NCOR1: variants seen among roughly 807,000 people sequenced by gnomAD.
NCOR1 encodes the protein nuclear receptor corepressor 1, also known as protein phosphatase 1, regulatory subunit 109.
Under a neutral mutation model 288.1 loss-of-function variants are expected in NCOR1, and 63 were observed. That is an observed-to-expected ratio of 0.22 (90% CI 0.18 to 0.27). The LOEUF (loss-of-function observed/expected upper bound fraction) is 0.27. NCOR1 is among the 10% of genes least tolerant of loss of function. NCOR1 has a pLI of 1.00. For missense variants in NCOR1, 2,397 were observed against 3,019.2 expected, an observed-to-expected ratio of 0.79 and a Z score of 4.83; for synonymous variants, 1,007 against 1,065.9, an observed-to-expected ratio of 0.94 and a Z score of 1.08.
Position 16,186,550 on chromosome 17 carries a change from T to C in NCOR1, c.242+4A>G. On this transcript the variant is annotated splice_donor_region_variant and intron_variant, in intron 3 of 45. Coordinates refer to ENST00000268712, the MANE Select transcript of NCOR1 (RefSeq NM_006311.4). Reference sequence around the variant, plus strand: ...AGATAGAAACATAAAAGAAACCTCATTACCTGTCAGAACCTGGGTGAAATT... The same window carrying C: ...AGATAGAAACATAAAAGAAACCTCACTACCTGTCAGAACCTGGGTGAAATT... 1 of 1,613,298 alleles carries C rather than the reference T, an allele frequency of 6.2e-7. No individual in the cohort carries two copies. The highest frequency in any genetic ancestry group is 1.1e-5 in the South Asian group (1 of 90,826).
intron 15 of NCOR1, among the ~76,000 whole-genome samples, chr17:16,125,784 AAACAGAAGGTC>A (rs1022013710): frequency 1.8e-4 from 27 of 152,046 alleles, no homozygotes; most frequent in Non-Finnish European, 3.2e-4. Flanking sequence ...AATAACTCAG[AAACAGAAGGTC>A]AACTATCACA....
At position 16,095,543 on chromosome 17, in the gene NCOR1, G is replaced by T. The variant is rs1348295057; in HGVS notation, c.2820+2824C>A. 3.3e-4 allele frequency among the ~76,000 whole-genome samples: 44 copies of T among 132,470 alleles called. 1 individual carries two copies. The highest frequency in any genetic ancestry group is 2.8e-5 in the African/African-American group (1 of 35,222). The allele number at this position is 132,470 out of a possible 152,430, so 86.9% of individuals were successfully genotyped here. ...GCCCCATCCGGGAGGGAGGTTGGGG[G>T]GTCAGCCCCCCGCCCGGCCAGCCGC... On this transcript the variant is annotated intron_variant, in intron 21 of 45. Transcript: ENST00000268712.
chr17:16,059,557 AG>A (rs1181431305), intron 37 of NCOR1, among the ~76,000 whole-genome samples: 1 of 152,218 alleles, frequency 6.6e-6, no homozygotes, highest in African/African-American at 2.4e-5. Flanking sequence ...AAGTAAACAG[AG>A]GGCTATGCAG....
intron 1 of NCOR1, among the ~76,000 whole-genome samples, chr17:16,213,833 T>C (rs376421471): frequency 1.3e-5 from 2 of 152,234 alleles, no homozygotes; most frequent in East Asian, 3.8e-4. Context: ...AGATACTTTG[T>C]ATTATATTTT....
chr17:16,143,372 C>T (rs2077416976), intron 11 of NCOR1, among the ~76,000 whole-genome samples: 1 of 152,264 alleles, frequency 6.6e-6, no homozygotes, highest in Non-Finnish European at 1.5e-5. Flanking sequence ...TCCTAACAGC[C>T]TCCTCACCTC....
intron 44 of NCOR1, among the ~76,000 whole-genome samples, chr17:16,035,791 C>T (rs139398997): frequency 1.4e-3 from 211 of 152,194 alleles, no homozygotes; most frequent in African/African-American, 4.8e-3. Flanking sequence ...ATTCTACTGC[C>T]TCAGCCACCC....
At chr17:16,111,111 T>C (rs890565795) in intron 18 of NCOR1, among the ~76,000 whole-genome samples, 1 of 152,200 alleles carries the variant, frequency 6.6e-6, no homozygotes, top group African/African-American at 2.4e-5. Context: ...CCAGTGTATG[T>C]CCCTCTCTCA....
rs140772218 is a variant in NCOR1 at position 16,067,346 on chromosome 17, G to C, written c.4741+548C>G. 5.4e-4 allele frequency among the ~76,000 whole-genome samples: 83 copies of C among 152,328 alleles called. No homozygotes were observed. In the East Asian group the frequency reaches 0.015, roughly 28 times the overall value. ...AAAACTAACAGCTTTGGAAAGAGTT[G>C]ATACAGAAGTTGAATCAGGTGCGGA... On this transcript the variant is annotated intron_variant, in intron 32 of 45. Transcript: ENST00000268712.
At chr17:16,132,575 G>T (rs1045593533) in intron 14 of NCOR1, among the ~76,000 whole-genome samples, 9 of 152,092 alleles carry the variant, frequency 5.9e-5, no homozygotes, top group African/African-American at 2.2e-4. Context: ...AATGGGTTGG[G>T]GTAGTCTCTA....
At chr17:16,063,445 G>A (rs2060761579) in intron 35 of NCOR1, among the ~76,000 whole-genome samples, 1 of 152,122 alleles carries the variant, frequency 6.6e-6, no homozygotes, top group Admixed American at 6.5e-5. Context: ...GGCCTCCTGA[G>A]TAGCTGGGAT....
In NCOR1 at chr17:16,173,578, A is replaced by C. The variant is rs909764725; in HGVS notation, c.243-1583T>G. ...GTTGGAGGATACAAAATCAACACAC[A>C]AAACTCAGTTGTATTCTATACACTA... On this transcript the variant is annotated intron_variant, in intron 3 of 45. Transcript: ENST00000268712. Among the ~76,000 whole-genome samples the C allele has an allele frequency of 2.0e-5, 3 of 152,204 alleles. No individual in the cohort carries two copies. The South Asian group carries it at 6.2e-4, about 31-fold the overall frequency.
rs376918914 is a variant in NCOR1, at chr17:16,097,972, G to A, written c.2820+395C>T. Among the ~76,000 whole-genome samples, 9 of 152,308 alleles carry A rather than the reference G, an allele frequency of 5.9e-5. No individual in the cohort carries two copies. The East Asian group carries it at 9.6e-4, about 16-fold the overall frequency. On this transcript the variant is annotated intron_variant, in intron 21 of 45. Coordinates refer to ENST00000268712, the MANE Select transcript of NCOR1 (RefSeq NM_006311.4). ...TGGTGACCAAAGAGGTGGAGAATTC[G>A]TTGGTGTGAGGAAAAAGCCCATACA...
chr17:16,073,942 C>G (rs2062063031), intron 27 of NCOR1, among the ~76,000 whole-genome samples: 1 of 152,134 alleles, frequency 6.6e-6, no homozygotes, highest in South Asian at 2.1e-4. Flanking sequence ...TAAGCCTGCT[C>G]AGAGGAAGCA....
chr17:16,148,874 C>A (rs1381902520), intron 9 of NCOR1, among the ~76,000 whole-genome samples: 1 of 152,032 alleles, frequency 6.6e-6, no homozygotes, highest in Non-Finnish European at 1.5e-5. Context: ...TTAGCAGACA[C>A]TTCAGTTTAA....
At chr17:16,033,616 A>C (rs969546000) in intron 45 of NCOR1, among the ~76,000 whole-genome samples, 1 of 151,232 alleles carries the variant, frequency 6.6e-6, no homozygotes, top group African/African-American at 2.4e-5. Context: ...AAGATGGCTT[A>C]TAATTCTCTG....
intron 6 of NCOR1, among the ~76,000 whole-genome samples, chr17:16,157,104 T>C (rs962327239): frequency 6.6e-6 from 1 of 152,202 alleles, no homozygotes; most frequent in Admixed American, 6.5e-5. Flanking sequence ...CAAAAGTGTT[T>C]TGCAGCTATG....
At position 16,034,715 on chromosome 17, in the gene NCOR1, AT is replaced by A. The variant is rs753092023; in HGVS notation, c.7135+49del. On this transcript the variant is annotated intron_variant, in intron 45 of 45. Coordinates refer to ENST00000268712, the MANE Select transcript of NCOR1 (RefSeq NM_006311.4). ...ATTTTGAAGAACTAATAACCAAGAC[AT>A]TGATATTATTGCTCTGTCTCATTTT... The A allele has an allele frequency of 4.7e-6, 7 of 1,473,948 alleles. No homozygotes were observed. The African/African-American group carries it at 9.9e-5, about 21-fold the overall frequency. 91.3% of individuals were successfully genotyped at this position (1,473,948 alleles called of 1,614,324 possible). A position where few individuals can be genotyped will look rare whatever the true frequency, so the allele number is the denominator to read the frequency against.
Position 16,171,824 on chromosome 17 carries a change from C to G in NCOR1, c.414G>C (p.Arg138Ser). 6.2e-7 allele frequency: 1 copy of G among 1,606,610 alleles called. No individual in the cohort carries two copies. Among genetic ancestry groups the G allele is most frequent in the African/African-American group, 1.3e-5 (1 of 74,558 alleles). Residue 138 changes from arginine (R) to serine (S), a missense_variant, in exon 4 of 46, where the codon AGG becomes AGC. Coordinates refer to ENST00000268712, the MANE Select transcript of NCOR1 (RefSeq NM_006311.4). ...TTACCTTCTTAGCATCTGCAGAAGC[C>G]CTCAGCCCTTCTGGCAGCGGGTGCA... ...PLVHPLPEGLRASADAKKDPA... is the reference protein window; with the variant it reads ...PLVHPLPEGLSASADAKKDPA...
chr17:16,134,646 A>G (rs542169127), intron 14 of NCOR1, among the ~76,000 whole-genome samples: 1 of 152,322 alleles, frequency 6.6e-6, no homozygotes, highest in South Asian at 2.1e-4. Context: ...CTGTTTCAGA[A>G]TAACAAACAT....
Sources: gnomAD v4.1 joint callset for allele counts (sites outside exome capture counted in the v4.1 genomes callset) on GRCh38, gnomAD v4.1.1 for gene constraint, MANE v1.5 for transcripts, NCBI Gene and HGNC (gene_info 2026-07-23, HGNC 2026-07-21) for gene names.